Variants in RUBCNL observed in about 807,000 individuals in gnomAD.
The protein encoded by RUBCNL is protein associated with UVRAG as autophagy enhancer.
Under a neutral mutation model 69.5 loss-of-function variants are expected in RUBCNL, and 62 were observed. That is an observed-to-expected ratio of 0.89 (90% CI 0.73 to 1.10). The LOEUF is 1.10. Ranked by LOEUF, RUBCNL falls within the 50% of genes least tolerant of loss-of-function variation. The pLI, the probability that RUBCNL is intolerant of heterozygous loss-of-function variation, is 0.00. For missense variants in RUBCNL, 768 were observed against 798.1 expected (o/e 0.96, Z 0.45); for synonymous variants, 291 against 303.6 (o/e 0.96, Z 0.43).
rs191253936 is a variant in RUBCNL, at chr13:46,335,611, G to A, written c.*7774C>T. On this transcript the variant is annotated 3_prime_UTR_variant, in exon 15 of 15. Coordinates refer to ENST00000429979, the MANE Select transcript of RUBCNL (RefSeq NM_025113.5). ...AATTATAAAATAGCAGCAATGCTAC[G>A]TAGTTCAATCTAATAGAAGTTCAGG... Among the ~76,000 whole-genome samples, 4 of 152,314 alleles carry A rather than the reference G, an allele frequency of 2.6e-5. No homozygotes were observed. The highest frequency in any genetic ancestry group is 6.5e-5 in the Admixed American group (1 of 15,288).
Position 46,368,798 on chromosome 13 carries a change from T to C in RUBCNL, c.553A>G (p.Arg185Gly), listed in dbSNP as rs913924773. The C allele has an allele frequency of 4.3e-6, 7 of 1,613,560 alleles. No homozygotes were observed. Among genetic ancestry groups the C allele is most frequent in the Non-Finnish European group, 5.9e-6 (7 of 1,179,702 alleles). ...AAGGAATTCGAAGAAATGGTTCTTCTACTGACTTGAACAGCACCTGCCAAT... is the reference window on the plus strand; with the variant it reads ...AAGGAATTCGAAGAAATGGTTCTTCCACTGACTTGAACAGCACCTGCCAAT... The part of the protein sequence containing the change: ...AADEGAVQVS[R>G]RTISSNSFSP... Residue 185 changes from arginine to glycine, a missense_variant, in exon 4 of 15, where the codon AGA becomes GGA. Transcript: ENST00000429979.
At chr13:46,380,185 C>T (rs2049088734) in intron 1 of RUBCNL, among the ~76,000 whole-genome samples, 1 of 152,158 alleles carries the variant, frequency 6.6e-6, no homozygotes, top group South Asian at 2.1e-4. Flanking sequence ...AGAAAGCAAT[C>T]AAGAGAAATG....
At chr13:46,345,633 A>G in intron 12 of RUBCNL, 33 bp from the exon 13 acceptor site, 1 of 1,607,796 alleles carries the variant, frequency 6.2e-7, no homozygotes, top group Non-Finnish European at 8.5e-7. Flanking sequence ...GAATTCAGAA[A>G]CCCACCCACA....
In RUBCNL at chr13:46,341,003, G is replaced by A. The variant is rs955219564; in HGVS notation, c.*2382C>T. Among the ~76,000 whole-genome samples, 5 of 152,170 alleles carry A rather than the reference G, an allele frequency of 3.3e-5. No homozygotes were observed. Among genetic ancestry groups the A allele is most frequent in the African/African-American group, 1.2e-4 (5 of 41,422 alleles). On this transcript the variant is annotated 3_prime_UTR_variant, in exon 15 of 15. Coordinates refer to ENST00000429979, the MANE Select transcript of RUBCNL (RefSeq NM_025113.5). Reference sequence around the variant, plus strand: ...GGTAGGTAGAAAGTGGCATATTTGGGATCTAATCTGAAGTTGTGGCCAATA... The same window carrying A: ...GGTAGGTAGAAAGTGGCATATTTGGAATCTAATCTGAAGTTGTGGCCAATA...
At chr13:46,358,908 G>A (rs2138735032) in intron 9 of RUBCNL, among the ~76,000 whole-genome samples, 1 of 152,120 alleles carries the variant, frequency 6.6e-6, no homozygotes, top group East Asian at 1.9e-4. Context: ...AAGATTAAAT[G>A]TTCCTTTTTT....
rs796218987 is a variant in RUBCNL, at chr13:46,344,932, G to T, written c.1786-101C>A. On this transcript the variant is annotated intron_variant, in intron 13 of 14. Coordinates refer to ENST00000429979, the MANE Select transcript of RUBCNL (RefSeq NM_025113.5). ...TAAACATCAGTGTTTCAGTGTCTATGATTCCAGCCTCTAGAAGGAAAAGGA... is the reference window on the plus strand; with the variant it reads ...TAAACATCAGTGTTTCAGTGTCTATTATTCCAGCCTCTAGAAGGAAAAGGA... 3.3e-5 allele frequency: 24 copies of T among 730,086 alleles called. 1 individual carries two copies. The African/African-American group carries it at 4.2e-4, about 13-fold the overall frequency. The allele number at this position is 730,086 out of a possible 1,614,324, so 45.2% of individuals were successfully genotyped here. A position where few individuals can be genotyped will look rare whatever the true frequency, so the allele number is the denominator to read the frequency against.
rs759668394 is a variant in RUBCNL, at chr13:46,368,834, G to A, written c.536-19C>T. The A allele has an allele frequency of 2.5e-6, 4 of 1,579,252 alleles. No homozygotes were observed. Among genetic ancestry groups the A allele is most frequent in the Non-Finnish European group, 3.5e-6 (4 of 1,157,010 alleles). ...ACAGCACCTGCCAATATAGCAAATT[G>A]TTAAAAATGGGGAAAAGGGAGTTTA... On this transcript the variant is annotated intron_variant, in intron 3 of 14. Transcript: ENST00000429979.
chr13:46,359,481 C>T lies in RUBCNL; in HGVS notation c.1265+5G>A. 6.2e-7 allele frequency: 1 copy of T among 1,603,658 alleles called. No homozygotes were observed. The highest frequency in any genetic ancestry group is 8.5e-7 in the Non-Finnish European group (1 of 1,175,086). ...TTGGAGGCCCAAGCAACAGCCCATA[C>T]TTACTTGAGTGGTGGATGAATATTA... On this transcript the variant is annotated splice_donor_5th_base_variant and intron_variant, in intron 9 of 14. Coordinates refer to ENST00000429979, the MANE Select transcript of RUBCNL (RefSeq NM_025113.5).
Position 46,343,347 on chromosome 13 carries a change from G to C in RUBCNL, c.*38C>G, listed in dbSNP as rs1467913130. On this transcript the variant is annotated 3_prime_UTR_variant, in exon 15 of 15. Coordinates refer to ENST00000429979, the MANE Select transcript of RUBCNL (RefSeq NM_025113.5). Reference sequence around the variant, plus strand: ...TAGACACAAATCGGTGTTATCATAAGGCATGTTGAACAGTCTTTTTCACAG... The same window carrying C: ...TAGACACAAATCGGTGTTATCATAACGCATGTTGAACAGTCTTTTTCACAG... 6.2e-7 allele frequency: 1 copy of C among 1,601,690 alleles called. No homozygotes were observed. Among genetic ancestry groups the C allele is most frequent in the South Asian group, 1.1e-5 (1 of 89,206 alleles).
At chr13:46,362,406 T>G in intron 7 of RUBCNL, 132 bp downstream of exon 7, 1 of 496,026 alleles carries the variant, frequency 2.0e-6, no homozygotes. Context: ...TAGGTGATAC[T>G]CTCCTAGATT....
intron 12 of RUBCNL, among the ~76,000 whole-genome samples, chr13:46,348,183 G>C (rs1194018904): frequency 6.6e-6 from 1 of 152,202 alleles, no homozygotes; most frequent in African/African-American, 2.4e-5. Context: ...AGGCTAAGAG[G>C]AAGAGGGAAT....
upstream of RUBCNL, among the ~76,000 whole-genome samples, chr13:46,388,210 A>AAAC (rs2049290841): frequency 6.7e-6 from 1 of 149,270 alleles, no homozygotes; most frequent in Non-Finnish European, 1.5e-5. Context: ...AAAAAAAAAA[A>AAAC]AAAAAAAAAA....
Position 46,368,877 on chromosome 13 carries a change from T to C in RUBCNL, c.536-62A>G, listed in dbSNP as rs555101358. The C allele has an allele frequency of 4.0e-5, 47 of 1,182,984 alleles. No individual in the cohort carries two copies. In the African/African-American group the frequency reaches 7.1e-4, roughly 18 times the overall value. The allele number at this position is 1,182,984 out of a possible 1,614,324, so 73.3% of individuals were successfully genotyped here. ...GGAGTTTAAAGATTACCTAATAAAA[T>C]AAAACAATTATAGGAAGTGGCTTTT... On this transcript the variant is annotated intron_variant, in intron 3 of 14. Transcript: ENST00000429979.
intron 10 of RUBCNL, among the ~76,000 whole-genome samples, chr13:46,352,894 G>C (rs936380464): frequency 6.6e-6 from 1 of 152,214 alleles, no homozygotes; most frequent in Non-Finnish European, 1.5e-5. Flanking sequence ...CTGTGCCACA[G>C]ATCAGTTAAA....
At chr13:46,369,163 C>T (rs527618725) in intron 3 of RUBCNL, among the ~76,000 whole-genome samples, 47 of 152,172 alleles carry the variant, frequency 3.1e-4, no homozygotes, top group Admixed American at 4.6e-4. Context: ...AAGCAGGGTC[C>T]TAAGGATTAT....
rs778714258 is a variant in RUBCNL, at chr13:46,340,284, C to T, written c.*3101G>A. Among the ~76,000 whole-genome samples the T allele has an allele frequency of 4.6e-5, 7 of 152,304 alleles. No homozygotes were observed. Among genetic ancestry groups the T allele is most frequent in the Non-Finnish European group, 8.8e-5 (6 of 68,024 alleles). On this transcript the variant is annotated 3_prime_UTR_variant, in exon 15 of 15. Coordinates refer to ENST00000429979, the MANE Select transcript of RUBCNL (RefSeq NM_025113.5). ...CTTTCATGGGACACAATTCAACCCA[C>T]AACAGTAGCTATTGTTCTAATCCTT...
At chr13:46,377,065 T>G (rs2049010356) in intron 2 of RUBCNL, among the ~76,000 whole-genome samples, 1 of 152,194 alleles carries the variant, frequency 6.6e-6, no homozygotes, top group African/African-American at 2.4e-5. Context: ...CTAGTTCCAC[T>G]CTTAGTCTGA....
Position 46,377,931 on chromosome 13 carries a change from A to T in RUBCNL, c.-164T>A, listed in dbSNP as rs1215849934. 1 of 1,610,066 alleles carries T rather than the reference A, an allele frequency of 6.2e-7. No individual in the cohort carries two copies. The highest frequency in any genetic ancestry group is 1.3e-5 in the African/African-American group (1 of 74,902). On this transcript the variant is annotated 5_prime_UTR_variant, in exon 2 of 15. Coordinates refer to ENST00000429979, the MANE Select transcript of RUBCNL (RefSeq NM_025113.5). ...TCGAAGAGGCAGATTGACACAGAGG[A>T]GAAAGTAATGATTGGAAACCATCAA...
At chr13:46,361,395 G>C in intron 8 of RUBCNL, 46 bp downstream of exon 8, 3 of 1,605,374 alleles carry the variant, frequency 1.9e-6, no homozygotes, top group Non-Finnish European at 1.7e-6. Context: ...GGCAAAATGA[G>C]GATTTAGGAA....
Sources: gnomAD v4.1 joint callset for allele counts (sites outside exome capture counted in the v4.1 genomes callset) on GRCh38, gnomAD v4.1.1 for gene constraint, MANE v1.5 for transcripts, NCBI Gene and HGNC (gene_info 2026-07-23, HGNC 2026-07-21) for gene names.